The following DENND6A variants were observed in gnomAD, a reference collection of about 807,000 sequenced individuals.
DENND6A encodes the protein protein DENND6A.
A neutral mutation model predicts 95.5 loss-of-function variants in DENND6A; 43 were observed. The observed-to-expected ratio is 0.45, with a 90% CI of 0.35 to 0.58. DENND6A has a LOEUF of 0.58. Among genes scored for constraint, DENND6A ranks in the 20% least tolerant of loss-of-function variants. The pLI is 0.00. For synonymous variants in DENND6A, 257 were observed against 260.4 expected (o/e 0.99, Z 0.13); for missense variants, 574 against 736.0 (o/e 0.78, Z 2.55).
At chr3:57,649,229 C>T (rs1339772258) in intron 9 of DENND6A, among the ~76,000 whole-genome samples, 1 of 152,070 alleles carries the variant, frequency 6.6e-6, no homozygotes, top group Admixed American at 6.6e-5. Context: ...AGAAGATATA[C>T]AAATTGCCAA....
At chr3:57,653,842 T>C (rs995147080) in intron 9 of DENND6A, among the ~76,000 whole-genome samples, 15 of 151,610 alleles carry the variant, frequency 9.9e-5, no homozygotes, top group Non-Finnish European at 1.3e-4. Context: ...TTTTTTTTTT[T>C]TAGTACCACA....
chr3:57,651,324 C>T (rs1324080852), intron 9 of DENND6A, among the ~76,000 whole-genome samples: 1 of 152,184 alleles, frequency 6.6e-6, no homozygotes, highest in Non-Finnish European at 1.5e-5. Flanking sequence ...ACATAACCCC[C>T]TTATAAGTCT....
chr3:57,665,551 T>A (rs907067144), intron 4 of DENND6A, among the ~76,000 whole-genome samples: 2 of 152,086 alleles, frequency 1.3e-5, no homozygotes, highest in African/African-American at 4.8e-5. Flanking sequence ...ATTTCACAGG[T>A]AGTATCTCTG....
chr3:57,658,517 G>T (rs1177880709), intron 8 of DENND6A, among the ~76,000 whole-genome samples: 1 of 152,178 alleles, frequency 6.6e-6, no homozygotes, highest in Non-Finnish European at 1.5e-5. Flanking sequence ...GACAGAGGGA[G>T]ACCCTGTCCT....
intron 4 of DENND6A, 69 bp downstream of exon 4, chr3:57,666,054 C>T (rs536387529): frequency 1.8e-4 from 237 of 1,286,378 alleles, no homozygotes; most frequent in Admixed American, 2.5e-4. Flanking sequence ...ATGGTGTCAG[C>T]GGTAACTGAA....
At chr3:57,666,674 A>T (rs969571821) in intron 3 of DENND6A, among the ~76,000 whole-genome samples, 2 of 152,190 alleles carry the variant, frequency 1.3e-5, no homozygotes, top group Admixed American at 6.5e-5. Flanking sequence ...TAAAAGTATA[A>T]AAAAAAGAAA....
intron 1 of DENND6A, among the ~76,000 whole-genome samples, chr3:57,675,236 G>A (rs1481613713): frequency 6.6e-6 from 1 of 152,122 alleles, no homozygotes; most frequent in Non-Finnish European, 1.5e-5. Flanking sequence ...ATTTACATTA[G>A]GTAAAAAAAG....
At chr3:57,682,143 T>C (rs2077171594) in intron 1 of DENND6A, among the ~76,000 whole-genome samples, 2 of 152,042 alleles carry the variant, frequency 1.3e-5, no homozygotes, top group African/African-American at 2.4e-5. Context: ...AAATTATGTA[T>C]GTACTTTTTC....
chr3:57,646,054 C>T (rs187611631), intron 10 of DENND6A, among the ~76,000 whole-genome samples: 15 of 152,314 alleles, frequency 9.8e-5, no homozygotes, highest in South Asian at 2.1e-4. Context: ...TATCAAGGAA[C>T]AACTTCATGT....
At chr3:57,632,241 G>A (rs553997308) in intron 15 of DENND6A, among the ~76,000 whole-genome samples, 38 of 150,916 alleles carry the variant, frequency 2.5e-4, no homozygotes, top group African/African-American at 9.0e-4. Flanking sequence ...AGCCAGGATG[G>A]TCTCGATCTC....
intron 1 of DENND6A, among the ~76,000 whole-genome samples, chr3:57,674,349 G>C (rs1009426548): frequency 6.6e-6 from 1 of 151,998 alleles, no homozygotes; most frequent in Admixed American, 6.5e-5. Flanking sequence ...CTCCAGCCTG[G>C]GTGACAGAGC....
In DENND6A at chr3:57,627,780, T is replaced by G. The variant is rs543478123; in HGVS notation, c.*434A>C. The G allele has an allele frequency of 1.2e-5, 2 of 161,086 alleles. No individual in the cohort carries two copies. Among genetic ancestry groups the G allele is most frequent in the African/African-American group, 4.8e-5 (2 of 41,560 alleles). The allele number at this position is 161,086 out of a possible 1,614,324, so 10.0% of individuals were successfully genotyped here. ...CATAAGCATCAATTCCTTCTAACCA[T>G]AGGACAGTTCAGTCTTTCTGTTCTT... is the stretch of plus-strand genomic sequence containing the variant. On this transcript the variant is annotated 3_prime_UTR_variant, in exon 20 of 20. Coordinates refer to ENST00000311128, the MANE Select transcript of DENND6A (RefSeq NM_152678.3).
chr3:57,674,855 G>T (rs1470162174), intron 1 of DENND6A, among the ~76,000 whole-genome samples: 1 of 152,172 alleles, frequency 6.6e-6, no homozygotes, highest in South Asian at 2.1e-4. Flanking sequence ...ATTATCCTCA[G>T]CTAACTAATG....
intron 1 of DENND6A, among the ~76,000 whole-genome samples, chr3:57,691,791 G>A (rs1379477439): frequency 6.6e-6 from 1 of 151,346 alleles, no homozygotes; most frequent in Non-Finnish European, 1.5e-5. Context: ...CTTCAACAAC[G>A]TCAAGAATAG....
intron 4 of DENND6A, 56 bp from the exon 5 acceptor site, chr3:57,663,772 T>C: frequency 9.8e-7 from 1 of 1,021,692 alleles, no homozygotes; most frequent in Non-Finnish European, 1.4e-6. Context: ...TATGTATCTA[T>C]ATCTATATCC....
In DENND6A at chr3:57,661,602, C is replaced by A. The variant is rs151062659; in HGVS notation, c.514-51G>T. 2.1e-5 allele frequency: 29 copies of A among 1,398,140 alleles called. No homozygotes were observed. In the East Asian group the frequency reaches 4.6e-4, roughly 22 times the overall value. 86.6% of individuals were successfully genotyped at this position (1,398,140 alleles called of 1,614,324 possible). On this transcript the variant is annotated intron_variant, in intron 5 of 19. Transcript: ENST00000311128. Reference sequence around the variant, plus strand: ...TTAAAAATTGCTTTGTCATTCATTTCTTGCATAATCAATTACTAACAAGCT... The same window carrying A: ...TTAAAAATTGCTTTGTCATTCATTTATTGCATAATCAATTACTAACAAGCT...
intron 9 of DENND6A, among the ~76,000 whole-genome samples, chr3:57,650,371 TAATA>T (rs2071177851): frequency 6.6e-6 from 1 of 151,236 alleles, no homozygotes; most frequent in Non-Finnish European, 1.5e-5. Context: ...TTAAATCAGT[TAATA>T]AAAAATAATT....
chr3:57,664,088 G>A (rs1474715782), intron 4 of DENND6A, among the ~76,000 whole-genome samples: 3 of 151,942 alleles, frequency 2.0e-5, no homozygotes, highest in Non-Finnish European at 4.4e-5. Context: ...TCTATACTAG[G>A]TGACTGAAGT....
rs972502585 is a variant in DENND6A at position 57,626,592 on chromosome 3, C to G, written c.*1622G>C. ...GGCGTGGTGGCACATACCTGTAATC[C>G]CAGCTACTCAGGAGGCTGAGGCAGG... On this transcript the variant is annotated 3_prime_UTR_variant, in exon 20 of 20. Coordinates refer to ENST00000311128, the MANE Select transcript of DENND6A (RefSeq NM_152678.3). The G allele has an allele frequency of 1.6e-4, 25 of 152,310 alleles. No homozygotes were observed. The highest frequency in any genetic ancestry group is 5.8e-4 in the African/African-American group (24 of 41,512). The allele number at this position is 152,310 out of a possible 1,614,324, so 9.4% of individuals were successfully genotyped here.
Sources: gnomAD v4.1 joint callset for allele counts (sites outside exome capture counted in the v4.1 genomes callset) on GRCh38, gnomAD v4.1.1 for gene constraint, MANE v1.5 for transcripts, NCBI Gene and HGNC (gene_info 2026-07-23, HGNC 2026-07-21) for gene names.